The following USP3 variants were observed in gnomAD, a reference collection of about 807,000 sequenced individuals.
USP3 encodes the protein ubiquitin specific peptidase 3.
Under a neutral mutation model 72.3 loss-of-function variants are expected in USP3, and 20 were observed. That is an observed-to-expected ratio of 0.28 (90% CI 0.19 to 0.40). The LOEUF is 0.40. Ranked by LOEUF, USP3 falls within the 10% of genes least tolerant of loss-of-function variation. The pLI, the probability that USP3 is intolerant of heterozygous loss-of-function variation, is 1.00. For synonymous variants in USP3, 222 were observed against 225.3 expected (o/e 0.99, Z 0.13); for missense variants, 479 against 633.9 (o/e 0.76, Z 2.62).
Position 63,544,761 on chromosome 15 carries a change from T to C in USP3, c.284+7605T>C, listed in dbSNP as rs1469932121. ...AGTTCATGGTATATGGGATGAAAGC[T>C]TAACTCTAAAACTAGAGCAGGTAAC... is the stretch of plus-strand genomic sequence containing the variant. On this transcript the variant is annotated intron_variant, in intron 3 of 14. Transcript: ENST00000380324. The surrounding 1 kb of genome is among the most constrained non-coding windows in gnomAD (Gnocchi z 4.2). 1.4e-6 allele frequency: 1 copy of C among 701,092 alleles called. No homozygotes were observed. The highest frequency in any genetic ancestry group is 2.6e-6 in the Non-Finnish European group (1 of 384,430). The allele number at this position is 701,092 out of a possible 1,614,324, so 43.4% of individuals were successfully genotyped here.
intron 4 of USP3, among the ~76,000 whole-genome samples, chr15:63,555,971 T>G (rs950526265): frequency 6.6e-5 from 10 of 152,238 alleles, no homozygotes; most frequent in African/African-American, 2.4e-4. Flanking sequence ...TTACTTCCTT[T>G]AGATTAATTT....
At chr15:63,573,185 T>C (rs564492111) in intron 9 of USP3, among the ~76,000 whole-genome samples, 1 of 152,170 alleles carries the variant, frequency 6.6e-6, no homozygotes, top group Non-Finnish European at 1.5e-5. Context: ...AAGAAGCAGG[T>C]GTAATCTGAC....
chr15:63,549,186 A>G (rs1164324996), intron 3 of USP3, among the ~76,000 whole-genome samples: 3 of 152,190 alleles, frequency 2.0e-5, no homozygotes, highest in African/African-American at 7.2e-5. Context: ...GTATTTTACA[A>G]TTTTAAGTAC....
chr15:63,526,237 A>G (rs2065980035), intron 1 of USP3, among the ~76,000 whole-genome samples: 1 of 152,150 alleles, frequency 6.6e-6, no homozygotes, highest in Non-Finnish European at 1.5e-5. Context: ...AACACATAGC[A>G]TGTTATCTTT....
chr15:63,584,507 A>G (rs971314722), intron 11 of USP3, among the ~76,000 whole-genome samples: 1 of 152,148 alleles, frequency 6.6e-6, no homozygotes, highest in South Asian at 2.1e-4. Context: ...GTATCTCACT[A>G]TGGTTTTGAT....
Position 63,574,032 on chromosome 15 carries a change from G to T in USP3, c.909-14G>T, listed in dbSNP as rs969590828. 4.6e-6 allele frequency: 7 copies of T among 1,534,276 alleles called. No homozygotes were observed. Among genetic ancestry groups the T allele is most frequent in the Non-Finnish European group, 5.3e-6 (6 of 1,135,848 alleles). The stretch of plus-strand genomic sequence containing the variant: ...TCTTACTGAGATATTTTCCTGTGTG[G>T]TGATTTTGTTTAGAAATGGAGCATC... On this transcript the variant is annotated splice_polypyrimidine_tract_variant and intron_variant, in intron 9 of 14. Coordinates refer to ENST00000380324, the MANE Select transcript of USP3 (RefSeq NM_006537.4). The surrounding 1 kb of genome is among the most constrained non-coding windows in gnomAD (Gnocchi z 4.6).
intron 3 of USP3, among the ~76,000 whole-genome samples, chr15:63,548,199 A>C (rs1414855943): frequency 6.6e-6 from 1 of 151,314 alleles, no homozygotes. Context: ...ATGTGATCAC[A>C]GCTCACTGCA....
intron 8 of USP3, among the ~76,000 whole-genome samples, chr15:63,569,235 CT>C (rs2066742006): frequency 1.3e-5 from 2 of 152,132 alleles, no homozygotes; most frequent in Non-Finnish European, 2.9e-5. Flanking sequence ...TACAAAGGAA[CT>C]ACCAACTTTG....
At chr15:63,545,603 T>G (rs1216318540) in intron 3 of USP3, among the ~76,000 whole-genome samples, 1 of 152,152 alleles carries the variant, frequency 6.6e-6, no homozygotes, top group African/African-American at 2.4e-5. Context: ...TTCAGTGTAC[T>G]TACTTTTTCG....
intron 11 of USP3, among the ~76,000 whole-genome samples, chr15:63,578,467 C>A (rs1430700065): frequency 6.6e-6 from 1 of 151,070 alleles, no homozygotes; most frequent in Non-Finnish European, 1.5e-5. Context: ...AAAAAATTAG[C>A]TGGGCATGGT....
At position 63,570,130 on chromosome 15, in the gene USP3, G is replaced by T. The variant is rs6494415; in HGVS notation, c.762-303G>T. 0.79 allele frequency among the ~76,000 whole-genome samples: 120,840 copies of T among 152,094 alleles called. 49,807 individuals carry two copies. Among genetic ancestry groups the T allele is most frequent in the Non-Finnish European group, 0.85 (57,670 of 67,958 alleles). ...CTCTGTTACTCTCTTGCTGTAGGAC[G>T]TTGGGGAAGTCACATACCACCCCGC... is the stretch of plus-strand genomic sequence containing the variant. On this transcript the variant is annotated intron_variant, in intron 8 of 14. Transcript: ENST00000380324. This position sits in a 1 kb window ranked among gnomAD's most constrained non-coding sequence, Gnocchi z 4.4.
chr15:63,549,129 TAG>T (rs1247625630), intron 3 of USP3, among the ~76,000 whole-genome samples: 8 of 152,220 alleles, frequency 5.3e-5, no homozygotes, highest in Non-Finnish European at 1.0e-4. Context: ...GTAAAATTAT[TAG>T]AGATAGTTTG....
chr15:63,516,807 A>G (rs2065856113), intron 1 of USP3, among the ~76,000 whole-genome samples: 1 of 151,584 alleles, frequency 6.6e-6, no homozygotes, highest in Non-Finnish European at 1.5e-5. Flanking sequence ...TTTATTTTTA[A>G]TAGGAAGTGA....
chr15:63,532,655 T>C lies in USP3; in HGVS notation c.100T>C (p.Ser34Pro). Reference sequence around the variant, plus strand: ...ATTTTTCTTTTTATTAGTGTGCCGGTCCAACAAAAGCCCTTGGGTCTGTTT... The same window carrying C: ...ATTTTTCTTTTTATTAGTGTGCCGGCCCAACAAAAGCCCTTGGGTCTGTTT... Reference protein sequence around the residue: ...PSSWCCSVCRSNKSPWVCLTC... With the variant: ...PSSWCCSVCRPNKSPWVCLTC... The change falls in exon 2 of 15, where the codon TCC becomes CCC. Residue 34 changes from serine to proline, a missense_variant. Transcript: ENST00000380324. The C allele has an allele frequency of 6.2e-7, 1 of 1,614,046 alleles. No individual in the cohort carries two copies. Among genetic ancestry groups the C allele is most frequent in the Non-Finnish European group, 8.5e-7 (1 of 1,179,946 alleles).
At chr15:63,552,548 A>G (rs1193855936) in intron 3 of USP3, among the ~76,000 whole-genome samples, 1 of 152,176 alleles carries the variant, frequency 6.6e-6, no homozygotes, top group Non-Finnish European at 1.5e-5. Flanking sequence ...AATATGTTAG[A>G]GAAATCTTGA....
At chr15:63,548,454 T>C (rs1167338607) in intron 3 of USP3, among the ~76,000 whole-genome samples, 1 of 151,954 alleles carries the variant, frequency 6.6e-6, no homozygotes, top group African/African-American at 2.4e-5. Context: ...GCTTCCCGAG[T>C]AGCTGGGATT....
At chr15:63,587,094 GCTACCCAACTTT>G (rs149292465) in intron 11 of USP3, among the ~76,000 whole-genome samples, 9,106 of 152,080 alleles carry the variant, frequency 0.06, 828 homozygotes, top group African/African-American at 0.21. Flanking sequence ...GTTTCTGCTT[GCTACCCAACTTT>G]AATATATTAT....
intron 1 of USP3, among the ~76,000 whole-genome samples, chr15:63,530,886 G>C (rs1395170840): frequency 6.6e-6 from 1 of 152,154 alleles, no homozygotes; most frequent in East Asian, 1.9e-4. Flanking sequence ...CCAAGTACCT[G>C]CCTAACAGAG....
chr15:63,552,774 T>C (rs2066455062), intron 3 of USP3, among the ~76,000 whole-genome samples: 1 of 152,212 alleles, frequency 6.6e-6, no homozygotes, highest in East Asian at 1.9e-4. Context: ...TTTTCAGATA[T>C]GTTTTTGGAA....
Sources: gnomAD v4.1 joint callset for allele counts (sites outside exome capture counted in the v4.1 genomes callset) on GRCh38, gnomAD v4.1.1 for gene constraint, Gnocchi (gnomAD v3.1) non-coding constraint, MANE v1.5 for transcripts, NCBI Gene and HGNC (gene_info 2026-07-23, HGNC 2026-07-21) for gene names.